Variants in GRIP1 observed in about 807,000 individuals in gnomAD.
GRIP1 encodes glutamate receptor interacting protein 1.
In GRIP1, 45 loss-of-function variants were observed where a neutral mutation model predicts 129.9. That is an observed-to-expected ratio of 0.35 (90% CI 0.27 to 0.44). The LOEUF is 0.44. Ranked by LOEUF, GRIP1 falls within the 20% of genes least tolerant of loss-of-function variation. The pLI, the probability that GRIP1 is intolerant of heterozygous loss-of-function variation, is 1.00. For synonymous variants in GRIP1, 530 were observed against 520.8 expected, an observed-to-expected ratio of 1.02 and a Z score of -0.24; for missense variants, 1,196 against 1,396.8, an observed-to-expected ratio of 0.86 and a Z score of 2.29.
intron 1 of GRIP1, among the ~76,000 whole-genome samples, chr12:67,002,388 T>C (rs12316337): frequency 0.058 from 8,779 of 152,220 alleles, 520 homozygotes; most frequent in African/African-American, 0.15. Context: ...ACTATACCAA[T>C]AGAATAGGTA....
intron 7 of GRIP1, among the ~76,000 whole-genome samples, chr12:66,477,723 C>T (rs2059663613): frequency 6.6e-6 from 1 of 152,058 alleles, no homozygotes; most frequent in South Asian, 2.1e-4. Flanking sequence ...GAAATAATAC[C>T]ACACATCTAC....
chr12:66,801,351 T>C (rs900135041), intron 1 of GRIP1, among the ~76,000 whole-genome samples: 15 of 152,130 alleles, frequency 9.9e-5, no homozygotes. Flanking sequence ...ATCAAGTCAA[T>C]ATAAAGTCAG....
In GRIP1 at chr12:66,834,926, T is replaced by TA. The variant is rs71088212; in HGVS notation, c.58+234123dup. On this transcript the variant is annotated intron_variant, in intron 1 of 1. Coordinates refer to the GRIP1 transcript ENST00000643019. ...CACAGCATGACAAGACTCGTCTCTTTAAAAAAAAAAGGGGGGGGGGCAGGA... is the reference window on the plus strand; with the variant it reads ...CACAGCATGACAAGACTCGTCTCTTTAAAAAAAAAAAGGGGGGGGGGCAGGA... Among the ~76,000 whole-genome samples the TA allele has an allele frequency of 3.2e-3, 293 of 92,546 alleles. 11 individuals are homozygous for TA. Among genetic ancestry groups the TA allele is most frequent in the East Asian group, 0.029 (81 of 2,782 alleles). 60.7% of individuals were successfully genotyped at this position (92,546 alleles called of 152,430 possible). A position where few individuals can be genotyped will look rare whatever the true frequency, so the allele number is the denominator to read the frequency against.
intron 5 of GRIP1, among the ~76,000 whole-genome samples, chr12:66,525,997 G>C (rs1454102683): frequency 6.6e-6 from 1 of 152,052 alleles, no homozygotes; most frequent in African/African-American, 2.4e-5. Flanking sequence ...CCTCTTCAAG[G>C]AGAACTACAA....
intron 1 of GRIP1, among the ~76,000 whole-genome samples, chr12:66,730,569 A>G (rs2036400463): frequency 6.6e-6 from 1 of 152,146 alleles, no homozygotes; most frequent in African/African-American, 2.4e-5. Context: ...TGTGAAATAT[A>G]CATCCTTTTC....
At chr12:66,374,171 G>A (rs1170512136) in intron 22 of GRIP1, among the ~76,000 whole-genome samples, 8 of 151,918 alleles carry the variant, frequency 5.3e-5, no homozygotes, top group Non-Finnish European at 1.0e-4. Flanking sequence ...ACTTACTCAT[G>A]TATATAATTT....
intron 1 of GRIP1, among the ~76,000 whole-genome samples, chr12:66,784,518 T>C (rs1413956536): frequency 1.3e-5 from 2 of 152,164 alleles, no homozygotes; most frequent in African/African-American, 4.8e-5. Context: ...GCCAGACTCA[T>C]TTTAATCCAA....
intron 1 of GRIP1, among the ~76,000 whole-genome samples, chr12:66,865,595 GCATCCATCCATCCAAC>G (rs148142007): frequency 0.29 from 44,484 of 150,972 alleles, 6,960 homozygotes; most frequent in Middle Eastern, 0.35. Flanking sequence ...ATCCATCCAT[GCATCCATCCATCCAAC>G]CATCCATCCA....
chr12:66,849,154 T>G (rs1469052774), intron 1 of GRIP1, among the ~76,000 whole-genome samples: 1 of 152,116 alleles, frequency 6.6e-6, no homozygotes, highest in Non-Finnish European at 1.5e-5. Flanking sequence ...GGCATGAGCT[T>G]TCTACCTTGG....
At chr12:66,574,790 T>TCTTTTTTTTTTTTTTTC (rs1555209657) in intron 2 of GRIP1, among the ~76,000 whole-genome samples, 5 of 142,068 alleles carry the variant, frequency 3.5e-5, no homozygotes, top group Non-Finnish European at 7.7e-5. Flanking sequence ...CACTTTTCTT[T>TCTTTTTTTTTTTTTTTC]TTTTTTTTTT....
At chr12:66,844,757 T>C (rs1009192648) in intron 1 of GRIP1, among the ~76,000 whole-genome samples, 1 of 152,180 alleles carries the variant, frequency 6.6e-6, no homozygotes, top group African/African-American at 2.4e-5. Flanking sequence ...GATACTTAGA[T>C]ATGATGAAAT....
intron 1 of GRIP1, among the ~76,000 whole-genome samples, chr12:66,829,299 G>A (rs1418828864): frequency 6.6e-6 from 1 of 152,094 alleles, no homozygotes; most frequent in Non-Finnish European, 1.5e-5. Flanking sequence ...CCACAAGTCA[G>A]GGAATGCCAG....
At chr12:66,562,018 G>C (rs1365489108) in intron 2 of GRIP1, among the ~76,000 whole-genome samples, 1 of 152,030 alleles carries the variant, frequency 6.6e-6, no homozygotes, top group Non-Finnish European at 1.5e-5. Context: ...TGAGGTGAGA[G>C]GATTGCTTGA....
chr12:66,543,365 G>C (rs961901312), intron 2 of GRIP1, among the ~76,000 whole-genome samples: 4 of 152,178 alleles, frequency 2.6e-5, no homozygotes, highest in African/African-American at 9.7e-5. Flanking sequence ...GGAGGAGTCT[G>C]AGCGTGTATG....
intron 1 of GRIP1, among the ~76,000 whole-genome samples, chr12:66,885,616 G>A (rs537554855): frequency 2.9e-4 from 44 of 152,292 alleles, no homozygotes; most frequent in African/African-American, 1.0e-3. Context: ...CAGATGGGGT[G>A]AGGGCAGGGG....
At chr12:66,901,475 G>A (rs1373070571) in intron 1 of GRIP1, among the ~76,000 whole-genome samples, 1 of 152,178 alleles carries the variant, frequency 6.6e-6, no homozygotes, top group Non-Finnish European at 1.5e-5. Flanking sequence ...CCTCCAAATA[G>A]AAAAATCACA....
chr12:66,498,585 C>G (rs77888896), intron 7 of GRIP1, among the ~76,000 whole-genome samples: 3,134 of 152,056 alleles, frequency 0.021, 93 homozygotes, highest in African/African-American at 0.072. Context: ...TTATAAAATA[C>G]CTTGAACATC....
At chr12:66,940,031 T>G (rs2041558292) in intron 1 of GRIP1, among the ~76,000 whole-genome samples, 1 of 152,160 alleles carries the variant, frequency 6.6e-6, no homozygotes, top group African/African-American at 2.4e-5. Context: ...AGGTATAATA[T>G]GAAACAGCAA....
At chr12:66,872,623 C>T (rs1032473743) in intron 1 of GRIP1, among the ~76,000 whole-genome samples, 2 of 152,016 alleles carry the variant, frequency 1.3e-5, no homozygotes, top group African/African-American at 4.8e-5. Context: ...AAAAAAACAT[C>T]TGGTGCTTCA....
Sources: gnomAD v4.1 joint callset for allele counts (sites outside exome capture counted in the v4.1 genomes callset) on GRCh38, gnomAD v4.1.1 for gene constraint, MANE v1.5 for transcripts, NCBI Gene and HGNC (gene_info 2026-07-23, HGNC 2026-07-21) for gene names.